The following ITPK1 variants were observed in gnomAD, a reference collection of about 807,000 sequenced individuals.
The protein encoded by ITPK1 is inositol-tetrakisphosphate 1-kinase.
ITPK1 carries 21 observed loss-of-function variants against 45.3 expected under a neutral mutation model. The observed-to-expected ratio is 0.46, with a 90% CI of 0.33 to 0.67. The LOEUF (loss-of-function observed/expected upper bound fraction) is 0.67. Among genes scored for constraint, ITPK1 ranks in the 30% least tolerant of loss-of-function variants. The probability of loss-of-function intolerance (pLI) is 0.02; values close to 1 mark genes in which losing one functional copy is unlikely to be tolerated. For synonymous variants in ITPK1, 258 were observed against 253.6 expected, an observed-to-expected ratio of 1.02 and a Z score of -0.16; for missense variants, 474 against 573.5, an observed-to-expected ratio of 0.83 and a Z score of 1.77.
intron 2 of ITPK1, among the ~76,000 whole-genome samples, chr14:93,105,682 G>A (rs1374314394): frequency 2.0e-5 from 3 of 148,098 alleles, no homozygotes; most frequent in African/African-American, 5.0e-5. Flanking sequence ...CCACCACCAC[G>A]CCTGGCTAAT....
chr14:92,960,234 T>G (rs1384692387), intron 7 of ITPK1, among the ~76,000 whole-genome samples: 3 of 152,106 alleles, frequency 2.0e-5, no homozygotes, highest in Middle Eastern at 3.4e-3. Flanking sequence ...GCGGCTAGAA[T>G]GAGGAGTGAT....
chr14:93,022,431 C>G (rs1273506397), intron 3 of ITPK1, among the ~76,000 whole-genome samples: 2 of 152,130 alleles, frequency 1.3e-5, no homozygotes, highest in Non-Finnish European at 2.9e-5. Context: ...CACTTGTAAT[C>G]CCAGCTACTC....
intron 2 of ITPK1, among the ~76,000 whole-genome samples, chr14:93,112,392 C>T (rs937146109): frequency 7.2e-5 from 11 of 151,730 alleles, no homozygotes; most frequent in Admixed American, 7.2e-4. Flanking sequence ...CACCCCGGGC[C>T]GGACCATTCG....
At chr14:93,015,123 C>T (rs1888111899) in intron 4 of ITPK1, among the ~76,000 whole-genome samples, 1 of 152,178 alleles carries the variant, frequency 6.6e-6, no homozygotes, top group East Asian at 1.9e-4. Flanking sequence ...TGGGACCACA[C>T]CCCAGGACAG....
intron 2 of ITPK1, among the ~76,000 whole-genome samples, chr14:93,087,344 T>A (rs995482626): frequency 1.2e-4 from 18 of 152,196 alleles, no homozygotes; most frequent in Non-Finnish European, 1.9e-4. Context: ...TATTTCAAGA[T>A]GCCTCACTCC....
At chr14:93,000,401 T>A (rs1887277259) in intron 4 of ITPK1, among the ~76,000 whole-genome samples, 1 of 152,208 alleles carries the variant, frequency 6.6e-6, no homozygotes, top group African/African-American at 2.4e-5. Flanking sequence ...AAATATTGCA[T>A]TTGATTCTCA....
chr14:93,020,239 T>C (rs1888403200), intron 3 of ITPK1, among the ~76,000 whole-genome samples: 1 of 152,150 alleles, frequency 6.6e-6, no homozygotes, highest in Admixed American at 6.5e-5. Flanking sequence ...CTCTTTGACT[T>C]CCAAAATGAT....
chr14:93,046,234 A>T (rs1351355059), intron 3 of ITPK1, among the ~76,000 whole-genome samples: 1 of 152,194 alleles, frequency 6.6e-6, no homozygotes. Flanking sequence ...AGGCATGCAC[A>T]AACCCACTCA....
At chr14:92,942,026 C>T in intron 10 of ITPK1, 122 bp from the exon 11 acceptor site, 1 of 843,212 alleles carries the variant, frequency 1.2e-6, no homozygotes, top group Non-Finnish European at 1.8e-6. Context: ...TGTCAGCGTC[C>T]CATTTACAGA....
At chr14:93,105,583 G>A (rs975936741) in intron 2 of ITPK1, among the ~76,000 whole-genome samples, 5 of 145,792 alleles carry the variant, frequency 3.4e-5, no homozygotes, top group African/African-American at 7.6e-5. Flanking sequence ...CTGCAGTGAC[G>A]CAATCTCGGC....
chr14:93,113,568 G>A (rs750930696), intron 2 of ITPK1, among the ~76,000 whole-genome samples: 1 of 152,216 alleles, frequency 6.6e-6, no homozygotes, highest in Non-Finnish European at 1.5e-5. Flanking sequence ...CAAAGCAGCT[G>A]CTCCAAATTT....
intron 8 of ITPK1, 141 bp from the exon 9 acceptor site, chr14:92,952,154 CT>C (rs1887988133): frequency 2.9e-6 from 2 of 686,126 alleles, no homozygotes; most frequent in Admixed American, 4.6e-5. Flanking sequence ...CTCCAGCAAG[CT>C]GGGCACCAGC....
At chr14:92,950,447 T>C (rs978451521) in intron 9 of ITPK1, among the ~76,000 whole-genome samples, 1 of 152,246 alleles carries the variant, frequency 6.6e-6, no homozygotes, top group African/African-American at 2.4e-5. Flanking sequence ...TTTTCTATTT[T>C]TGGAAATCGT....
chr14:93,035,010 C>T (rs1321580074), intron 3 of ITPK1, among the ~76,000 whole-genome samples: 1 of 152,362 alleles, frequency 6.6e-6, no homozygotes, highest in Middle Eastern at 3.4e-3. Flanking sequence ...GGTGAACACA[C>T]CTCCTTCTTT....
At chr14:92,954,047 C>T (rs1888084174) in intron 8 of ITPK1, among the ~76,000 whole-genome samples, 1 of 152,170 alleles carries the variant, frequency 6.6e-6, no homozygotes, top group Non-Finnish European at 1.5e-5. Flanking sequence ...GCACCTGCCA[C>T]CACGCCTGGC....
intron 8 of ITPK1, among the ~76,000 whole-genome samples, chr14:92,953,622 C>T (rs946924715): frequency 3.3e-5 from 5 of 152,160 alleles, no homozygotes; most frequent in African/African-American, 1.2e-4. Flanking sequence ...TAGCAGTTGC[C>T]GAATGGCGGA....
At chr14:93,101,993 G>A (rs1892339815) in intron 2 of ITPK1, among the ~76,000 whole-genome samples, 1 of 152,228 alleles carries the variant, frequency 6.6e-6, no homozygotes, top group African/African-American at 2.4e-5. Context: ...AGCCACTGCT[G>A]TTTCTGGAGC....
chr14:93,115,031 CG>C (rs778455793), intron 2 of ITPK1, 37 bp downstream of exon 2: 4 of 1,363,874 alleles, frequency 2.9e-6, no homozygotes, highest in East Asian at 2.6e-5. Context: ...GGGCTCGGGC[CG>C]GGGGTCCCCG....
At chr14:92,957,892 A>G (rs1884831214) in intron 8 of ITPK1, among the ~76,000 whole-genome samples, 1 of 152,170 alleles carries the variant, frequency 6.6e-6, no homozygotes, top group South Asian at 2.1e-4. Context: ...GTGTTCCTCC[A>G]TGAATATCAT....
Sources: gnomAD v4.1 joint callset for allele counts (sites outside exome capture counted in the v4.1 genomes callset) on GRCh38, gnomAD v4.1.1 for gene constraint, MANE v1.5 for transcripts, NCBI Gene and HGNC (gene_info 2026-07-23, HGNC 2026-07-21) for gene names.